Variants in STK32B observed in about 807,000 individuals in gnomAD.
STK32B encodes the protein serine/threonine kinase 32B.
In STK32B, 43 loss-of-function variants were observed where a neutral mutation model predicts 52.6. That is an observed-to-expected ratio of 0.82 (90% CI 0.64 to 1.05). The LOEUF (loss-of-function observed/expected upper bound fraction) is 1.05, where lower values mean the gene tolerates loss of function less well. Among genes scored for constraint, STK32B ranks in the 50% least tolerant of loss-of-function variants. The pLI is 0.00. For synonymous variants in STK32B, 238 were observed against 204.3 expected, an observed-to-expected ratio of 1.17 and a Z score of -1.41; for missense variants, 621 against 534.6, an observed-to-expected ratio of 1.16 and a Z score of -1.59.
chr4:5,093,287 T>A (rs1410276198), intron 1 of STK32B, among the ~76,000 whole-genome samples: 1 of 152,234 alleles, frequency 6.6e-6, no homozygotes, highest in Non-Finnish European at 1.5e-5. Flanking sequence ...AGACTGTACA[T>A]GGTGCCATTT....
chr4:5,236,442 A>AC (rs1483667029), intron 3 of STK32B, among the ~76,000 whole-genome samples: 7 of 152,186 alleles, frequency 4.6e-5, no homozygotes, highest in Non-Finnish European at 8.8e-5. Flanking sequence ...TCATGCCCAA[A>AC]CGGGAACAAG....
At chr4:5,476,245 A>G (rs1394198676) in intron 11 of STK32B, among the ~76,000 whole-genome samples, 1 of 152,110 alleles carries the variant, frequency 6.6e-6, no homozygotes, top group Non-Finnish European at 1.5e-5. Flanking sequence ...AGAATAAGTC[A>G]TCCGTCTGAG....
intron 4 of STK32B, among the ~76,000 whole-genome samples, chr4:5,353,047 A>G (rs1485358353): frequency 1.3e-5 from 2 of 152,146 alleles, no homozygotes; most frequent in Non-Finnish European, 2.9e-5. Context: ...TATTTTTGGC[A>G]TGAAAATAGA....
chr4:5,487,354 G>A lies in STK32B; in HGVS notation c.1107-11591G>A, dbSNP rs1719311676. 2.6e-5 allele frequency among the ~76,000 whole-genome samples: 4 copies of A among 152,156 alleles called. No individual in the cohort carries two copies. In the South Asian group the frequency reaches 8.3e-4, roughly 32 times the overall value. ...TAACATTATCCTGTTAGGAGACTTGGCATCACAAAGATTGGAGAGGCAGTA... is the reference window on the plus strand; with the variant it reads ...TAACATTATCCTGTTAGGAGACTTGACATCACAAAGATTGGAGAGGCAGTA... On this transcript the variant is annotated intron_variant, in intron 11 of 11. Coordinates refer to ENST00000282908, the MANE Select transcript of STK32B (RefSeq NM_018401.3).
At chr4:5,024,865 G>T in the STK32B span, among the ~76,000 whole-genome samples, 1 of 152,254 alleles carries the variant, frequency 6.6e-6, no homozygotes, top group Admixed American at 6.5e-5. Context: ...TCCATGGGCA[G>T]TTACAACGGC....
At chr4:5,415,247 G>C (rs1223806636) in intron 5 of STK32B, among the ~76,000 whole-genome samples, 1 of 152,140 alleles carries the variant, frequency 6.6e-6, no homozygotes, top group Non-Finnish European at 1.5e-5. Flanking sequence ...ACCGTTTCAT[G>C]TGTATAAACT....
chr4:5,446,829 CGTT>C, intron 7 of STK32B, 53 bp downstream of exon 7: 1 of 1,575,096 alleles, frequency 6.3e-7, no homozygotes, highest in Non-Finnish European at 8.7e-7. Flanking sequence ...TGGGGGCTCA[CGTT>C]GTACCTGGAC....
chr4:5,463,018 G>A (rs570261657), intron 9 of STK32B, among the ~76,000 whole-genome samples: 8 of 152,300 alleles, frequency 5.3e-5, no homozygotes, highest in Admixed American at 1.3e-4. Context: ...GACCTCAGGC[G>A]GCTGCACCCT....
chr4:5,274,337 T>C (rs1341688803), intron 3 of STK32B, among the ~76,000 whole-genome samples: 3 of 152,170 alleles, frequency 2.0e-5, no homozygotes, highest in African/African-American at 7.2e-5. Flanking sequence ...ATATGATCGA[T>C]TGATTTTTGA....
intron 1 of STK32B, among the ~76,000 whole-genome samples, chr4:5,137,909 A>C (rs1202824520): frequency 6.7e-6 from 1 of 148,726 alleles, no homozygotes; most frequent in Non-Finnish European, 1.5e-5. Flanking sequence ...AGCAGCATGA[A>C]GATATGGTGC....
chr4:5,045,043 C>A, the STK32B span, among the ~76,000 whole-genome samples: 1 of 152,242 alleles, frequency 6.6e-6, no homozygotes, highest in South Asian at 2.1e-4. Flanking sequence ...AGCCAGTGTT[C>A]CCCTTCATAC....
the STK32B span, chr4:5,019,482 T>G: frequency 2.8e-6 from 4 of 1,435,534 alleles, no homozygotes; most frequent in Non-Finnish European, 1.8e-6. Flanking sequence ...CGACCGCCCC[T>G]TTATGCAGGC....
At position 5,472,317 on chromosome 4, in the gene STK32B, G is replaced by C. The variant is rs371032594; in HGVS notation, c.1106+4247G>C. On this transcript the variant is annotated intron_variant, in intron 11 of 11. Coordinates refer to ENST00000282908, the MANE Select transcript of STK32B (RefSeq NM_018401.3). ...GGCCACTGTGGGGACAGGAGGAGGT[G>C]CCCTGGGGCTAACCTCTCTGGACCT... is the stretch of plus-strand genomic sequence containing the variant. Among the ~76,000 whole-genome samples, 2 of 152,340 alleles carry C rather than the reference G, an allele frequency of 1.3e-5. 1 individual carries two copies. The highest frequency in any genetic ancestry group is 4.8e-5 in the African/African-American group (2 of 41,582).
intron 6 of STK32B, chr4:5,436,776 A>C: frequency 3.8e-5 from 26 of 690,060 alleles, no homozygotes; most frequent in Non-Finnish European, 4.6e-5. Context: ...ACTTGACCTC[A>C]GGGGTACTAC....
chr4:5,263,852 C>T (rs563510220), intron 3 of STK32B, among the ~76,000 whole-genome samples: 2 of 152,322 alleles, frequency 1.3e-5, no homozygotes, highest in East Asian at 1.9e-4. Flanking sequence ...CACTGCCTTC[C>T]AGGAAACCAC....
At chr4:5,055,952 T>C (rs938098792) in intron 1 of STK32B, among the ~76,000 whole-genome samples, 5 of 152,190 alleles carry the variant, frequency 3.3e-5, no homozygotes. Flanking sequence ...CTCCACTCAG[T>C]GCAAGTACCT....
Position 5,142,362 on chromosome 4 carries a change from G to A in STK32B, c.108+2402G>A, listed in dbSNP as rs554671933. Among the ~76,000 whole-genome samples the A allele has an allele frequency of 4.6e-5, 7 of 152,190 alleles. No homozygotes were observed. The South Asian group carries it at 8.3e-4, about 18-fold the overall frequency. On this transcript the variant is annotated intron_variant, in intron 2 of 11. Coordinates refer to ENST00000282908, the MANE Select transcript of STK32B (RefSeq NM_018401.3). ...TTCTTACAGAAACCTTTCTAAACAC[G>A]ACACATTTGGTATTAATTCACTAAC... is the stretch of plus-strand genomic sequence containing the variant.
chr4:5,350,171 A>C (rs976360800), intron 4 of STK32B, among the ~76,000 whole-genome samples: 12 of 152,120 alleles, frequency 7.9e-5, no homozygotes, highest in Non-Finnish European at 1.8e-4. Context: ...GGCACATTCT[A>C]GTCAAAATGT....
chr4:5,172,608 C>T (rs930077152), intron 3 of STK32B, among the ~76,000 whole-genome samples: 22 of 151,944 alleles, frequency 1.4e-4, no homozygotes, highest in Admixed American at 7.2e-4. Context: ...TGCTGGATTA[C>T]GTTTATTGAT....
Sources: allele counts gnomAD v4.1 joint callset (sites outside exome capture counted in the v4.1 genomes callset), GRCh38; gene constraint gnomAD v4.1.1; transcripts MANE v1.5; gene names NCBI Gene and HGNC (gene_info 2026-07-23, HGNC 2026-07-21).